Variants in PTPRE observed in about 807,000 individuals in gnomAD.
The protein encoded by PTPRE is protein tyrosine phosphatase receptor type E, also known as receptor-type tyrosine-protein phosphatase epsilon.
In PTPRE, 51 loss-of-function variants were observed where a neutral mutation model predicts 102.0. That is an observed-to-expected ratio of 0.50 (90% CI 0.40 to 0.63). The LOEUF is 0.63. Among genes scored for constraint, PTPRE ranks in the 30% least tolerant of loss-of-function variants. PTPRE has a pLI of 0.00. For missense variants in PTPRE, 752 were observed against 915.1 expected, an observed-to-expected ratio of 0.82 and a Z score of 2.30; for synonymous variants, 345 against 348.2, an observed-to-expected ratio of 0.99 and a Z score of 0.10.
chr10:127,956,806 A>G (rs1849437200), intron 1 of PTPRE, among the ~76,000 whole-genome samples: 1 of 152,152 alleles, frequency 6.6e-6, no homozygotes, highest in Non-Finnish European at 1.5e-5. Flanking sequence ...TTAATTAGCA[A>G]TTCCCTAAAG....
At chr10:127,910,726 G>A (rs559108745) in intron 1 of PTPRE, among the ~76,000 whole-genome samples, 46 of 152,304 alleles carry the variant, frequency 3.0e-4, no homozygotes, top group African/African-American at 9.9e-4. Context: ...TGGCTGGTAT[G>A]CAGTAAACTG....
At chr10:127,951,026 A>G (rs1014256411) in intron 1 of PTPRE, among the ~76,000 whole-genome samples, 2 of 152,054 alleles carry the variant, frequency 1.3e-5, no homozygotes, top group Non-Finnish European at 2.9e-5. Flanking sequence ...GCAGTGAGCC[A>G]AGATTGCGCC....
chr10:128,015,550 T>G (rs1211538175), intron 2 of PTPRE, among the ~76,000 whole-genome samples: 1 of 152,106 alleles, frequency 6.6e-6, no homozygotes, highest in Non-Finnish European at 1.5e-5. Context: ...GTATTTTTAG[T>G]AGAGATGGGG....
chr10:128,021,324 C>T (rs1845863101), intron 2 of PTPRE, among the ~76,000 whole-genome samples: 1 of 152,240 alleles, frequency 6.6e-6, no homozygotes, highest in Non-Finnish European at 1.5e-5. Context: ...TCTGAAGGGA[C>T]TGTGACCTCC....
intron 2 of PTPRE, among the ~76,000 whole-genome samples, chr10:128,024,130 C>T (rs1468424683): frequency 6.6e-6 from 1 of 152,196 alleles, no homozygotes; most frequent in East Asian, 1.9e-4. Context: ...TGTCTTTCAT[C>T]TTTGGTTTTA....
rs755886078 is a variant in PTPRE, at chr10:128,077,788, G to GC, written c.1892+10dup. The GC allele has an allele frequency of 1.3e-6, 2 of 1,582,284 alleles. No individual in the cohort carries two copies. Among genetic ancestry groups the GC allele is most frequent in the African/African-American group, 2.7e-5 (2 of 74,520 alleles). On this transcript the variant is annotated splice_donor_region_variant and intron_variant, in intron 19 of 20. Coordinates refer to ENST00000254667, the MANE Select transcript of PTPRE (RefSeq NM_006504.6). ...CCCCATCACCGTGCACTGCAGGTGA[G>GC]CCCCCAGCCCGAAGCCCTCCAGGTG... is the stretch of plus-strand genomic sequence containing the variant.
chr10:128,026,496 C>A (rs1399012612), intron 2 of PTPRE, among the ~76,000 whole-genome samples: 1 of 152,220 alleles, frequency 6.6e-6, no homozygotes, highest in Non-Finnish European at 1.5e-5. Flanking sequence ...GGTCCCCTGC[C>A]CAGACCCCTG....
At chr10:127,921,422 G>A (rs976226236) in intron 1 of PTPRE, among the ~76,000 whole-genome samples, 1 of 152,246 alleles carries the variant, frequency 6.6e-6, no homozygotes, top group African/African-American at 2.4e-5. Flanking sequence ...TGGGGATGGG[G>A]TGGGAAGAGG....
At chr10:128,034,514 A>ACC (rs76724209) in intron 2 of PTPRE, among the ~76,000 whole-genome samples, 7 of 150,470 alleles carry the variant, frequency 4.7e-5, no homozygotes, top group African/African-American at 7.4e-5. Flanking sequence ...ACATAGTGAG[A>ACC]CCCCCCCCAT....
At chr10:127,956,246 C>T (rs146768865) in intron 1 of PTPRE, among the ~76,000 whole-genome samples, 9 of 151,986 alleles carry the variant, frequency 5.9e-5, no homozygotes, top group East Asian at 3.9e-4. Context: ...CCTGGTAAAA[C>T]ATTATTTTGG....
In PTPRE at chr10:127,944,500, A is replaced by ATGGATGGATGGATAAG. The variant is rs57779918; in HGVS notation, c.-31+37204_-31+37205insAAGTGGATGGATGGAT. 0.42 allele frequency among the ~76,000 whole-genome samples: 61,886 copies of ATGGATGGATGGATAAG among 145,758 alleles called. 14,067 individuals are homozygous for ATGGATGGATGGATAAG. Among genetic ancestry groups the ATGGATGGATGGATAAG allele is most frequent in the African/African-American group, 0.53 (20,502 of 38,868 alleles). ...GATGGATGGATGGATGGATGGATGG[A>ATGGATGGATGGATAAG]TGGATGGATGGATGGGTGGATGGAT... On this transcript the variant is annotated intron_variant, in intron 1 of 20. Coordinates refer to ENST00000254667, the MANE Select transcript of PTPRE (RefSeq NM_006504.6). The surrounding 1 kb of genome is among the most constrained non-coding windows in gnomAD (Gnocchi z 4.2).
At chr10:127,923,087 C>T (rs961555384) in intron 1 of PTPRE, among the ~76,000 whole-genome samples, 9 of 152,386 alleles carry the variant, frequency 5.9e-5, no homozygotes, top group African/African-American at 2.2e-4. Context: ...CTGTCCCAGG[C>T]AGAGGCCTGG....
intron 1 of PTPRE, among the ~76,000 whole-genome samples, chr10:127,951,280 G>A (rs1849003547): frequency 6.6e-6 from 1 of 152,178 alleles, no homozygotes; most frequent in Non-Finnish European, 1.5e-5. Flanking sequence ...TGAAGGAGAG[G>A]CTGGGTTCCC....
chr10:127,983,239 G>A (rs925741514), intron 2 of PTPRE, among the ~76,000 whole-genome samples: 9 of 152,124 alleles, frequency 5.9e-5, no homozygotes, highest in African/African-American at 1.9e-4. Flanking sequence ...TTGACTGTGT[G>A]GATTGTTTCT....
chr10:127,961,436 AC>A (rs913830911), intron 1 of PTPRE, among the ~76,000 whole-genome samples: 14 of 152,048 alleles, frequency 9.2e-5, no homozygotes, highest in Non-Finnish European at 1.8e-4. Context: ...GGGAGAGGAA[AC>A]GGTAAAGACC....
chr10:127,951,906 G>T (rs1376257196), intron 1 of PTPRE, among the ~76,000 whole-genome samples: 1 of 152,212 alleles, frequency 6.6e-6, no homozygotes, highest in Non-Finnish European at 1.5e-5. Flanking sequence ...TAACCAAGTG[G>T]TGACGCCAAT....
At chr10:127,993,267 G>A (rs1589937572) in intron 2 of PTPRE, among the ~76,000 whole-genome samples, 2 of 152,332 alleles carry the variant, frequency 1.3e-5, no homozygotes, top group East Asian at 1.9e-4. Flanking sequence ...GAAATGAAAA[G>A]TCAAGTTCGG....
At chr10:127,913,588 T>C (rs1846010562) in intron 1 of PTPRE, among the ~76,000 whole-genome samples, 1 of 152,214 alleles carries the variant, frequency 6.6e-6, no homozygotes, top group African/African-American at 2.4e-5. Context: ...AGTAGGACTT[T>C]CATAGGTCTG....
rs564963454 is a variant in PTPRE at position 128,072,047 on chromosome 10, G to C, written c.1388-91G>C. The C allele has an allele frequency of 1.4e-3, 1,289 of 937,942 alleles. 10 individuals carry two copies. The highest frequency in any genetic ancestry group is 8.0e-3 in the South Asian group (480 of 60,116). The allele number at this position is 937,942 out of a possible 1,614,324, so 58.1% of individuals were successfully genotyped here. A position where few individuals can be genotyped will look rare whatever the true frequency, so the allele number is the denominator to read the frequency against. ...GCTTTACGTAGTGATTTTATTAATA[G>C]GATCTATATTTTGCAAGCTTGTAGC... On this transcript the variant is annotated intron_variant, in intron 15 of 20. Coordinates refer to ENST00000254667, the MANE Select transcript of PTPRE (RefSeq NM_006504.6).
Sources: gnomAD v4.1 joint callset for allele counts (sites outside exome capture counted in the v4.1 genomes callset) on GRCh38, gnomAD v4.1.1 for gene constraint, Gnocchi (gnomAD v3.1) non-coding constraint, MANE v1.5 for transcripts, NCBI Gene and HGNC (gene_info 2026-07-23, HGNC 2026-07-21) for gene names.